The following GTF2A1L variants were observed in gnomAD, a reference collection of about 807,000 sequenced individuals.
GTF2A1L encodes the protein general transcription factor IIA subunit 1 like.
GTF2A1L carries 48 observed loss-of-function variants against 49.7 expected under a neutral mutation model. The ratio of observed to expected loss-of-function variants is 0.97; its 90% CI spans 0.77 to 1.23. GTF2A1L has a LOEUF of 1.23. Ranked by LOEUF, GTF2A1L falls within the 50% of genes most tolerant of loss-of-function variation. GTF2A1L has a pLI of 0.00. For synonymous variants in GTF2A1L, 246 were observed against 193.5 expected, an observed-to-expected ratio of 1.27 and a Z score of -2.25; for missense variants, 736 against 564.8, an observed-to-expected ratio of 1.30 and a Z score of -3.07.
chr2:48,656,817 T>A (rs547113907), intron 6 of GTF2A1L, among the ~76,000 whole-genome samples: 1 of 152,284 alleles, frequency 6.6e-6, no homozygotes, highest in South Asian at 2.1e-4. Flanking sequence ...TCTAAGAGAT[T>A]TATAGTTTTA....
chr2:48,620,443 C>T (rs968587469), intron 1 of GTF2A1L, among the ~76,000 whole-genome samples: 9 of 152,208 alleles, frequency 5.9e-5, no homozygotes, highest in African/African-American at 1.7e-4. Context: ...AAGGTATGCA[C>T]TGCATATCTT....
At chr2:48,641,721 CA>C (rs1677207382) in intron 3 of GTF2A1L, among the ~76,000 whole-genome samples, 1 of 151,998 alleles carries the variant, frequency 6.6e-6, no homozygotes, top group South Asian at 2.1e-4. Context: ...ACTAGCTGGT[CA>C]ATCTTTGAGA....
intron 7 of GTF2A1L, among the ~76,000 whole-genome samples, chr2:48,670,526 T>A (rs868131778): frequency 3.9e-5 from 6 of 152,214 alleles, no homozygotes; most frequent in Non-Finnish European, 7.3e-5. Context: ...GAGTGGCTGT[T>A]AAAGAAGGCA....
At chr2:48,664,394 G>A (rs147455663) in intron 6 of GTF2A1L, among the ~76,000 whole-genome samples, 2 of 150,674 alleles carry the variant, frequency 1.3e-5, no homozygotes, top group African/African-American at 4.9e-5. Context: ...CTTCTTTCAT[G>A]TTTTGATATG....
chr2:48,662,450 A>G (rs1316251415), intron 6 of GTF2A1L, among the ~76,000 whole-genome samples: 2 of 152,122 alleles, frequency 1.3e-5, no homozygotes, highest in African/African-American at 4.8e-5. Flanking sequence ...TCTAACTATA[A>G]TGAATTCCCT....
intron 3 of GTF2A1L, among the ~76,000 whole-genome samples, chr2:48,631,221 C>G (rs1024427322): frequency 1.3e-5 from 2 of 152,144 alleles, no homozygotes; most frequent in African/African-American, 2.4e-5. Flanking sequence ...CTTTGAACAT[C>G]TGGTAGAATT....
At chr2:48,653,044 A>T (rs888965750) in intron 6 of GTF2A1L, among the ~76,000 whole-genome samples, 1 of 151,800 alleles carries the variant, frequency 6.6e-6, no homozygotes. Flanking sequence ...TCTGGCTAAC[A>T]TGGTGAAACC....
rs1031733070 is a variant in GTF2A1L, at chr2:48,669,126, C to G, written c.979-596C>G. On this transcript the variant is annotated intron_variant, in intron 6 of 8. Coordinates refer to ENST00000403751, the MANE Select transcript of GTF2A1L (RefSeq NM_006872.5). Reference sequence around the variant, plus strand: ...GTACAACCATCCCCACTCTGTATTTCCAGTACTTTTTCATCTTCTCAAACA... The same window carrying G: ...GTACAACCATCCCCACTCTGTATTTGCAGTACTTTTTCATCTTCTCAAACA... 1.4e-4 allele frequency among the ~76,000 whole-genome samples: 22 copies of G among 152,226 alleles called. 1 individual carries two copies. The highest frequency in any genetic ancestry group is 4.6e-4 in the African/African-American group (19 of 41,540).
intron 6 of GTF2A1L, among the ~76,000 whole-genome samples, chr2:48,649,827 A>G (rs752257947): frequency 6.6e-6 from 1 of 152,182 alleles, no homozygotes; most frequent in Non-Finnish European, 1.5e-5. Context: ...TTCTCTGCCA[A>G]AGTTTCCTAT....
At position 48,625,423 on chromosome 2, in the gene GTF2A1L, T is replaced by C. The variant is rs185706320; in HGVS notation, c.247+4133T>C. 1.8e-4 allele frequency among the ~76,000 whole-genome samples: 26 copies of C among 144,490 alleles called. 2 individuals carry two copies. The highest frequency in any genetic ancestry group is 5.9e-4 in the African/African-American group (24 of 40,716). 94.8% of individuals were successfully genotyped at this position (144,490 alleles called of 152,430 possible). On this transcript the variant is annotated intron_variant, in intron 3 of 8. Coordinates refer to ENST00000403751, the MANE Select transcript of GTF2A1L (RefSeq NM_006872.5). ...GAAAAGGTTATTTGTTTTTCTGTTATTGAGTTGTGTAAATCTTTTAATATA... is the reference window on the plus strand; with the variant it reads ...GAAAAGGTTATTTGTTTTTCTGTTACTGAGTTGTGTAAATCTTTTAATATA...
chr2:48,634,198 C>T (rs868714799), intron 3 of GTF2A1L, among the ~76,000 whole-genome samples: 5 of 152,100 alleles, frequency 3.3e-5, no homozygotes, highest in Non-Finnish European at 7.4e-5. Context: ...CTGTAACCTT[C>T]GTCTCCGGGT....
intron 6 of GTF2A1L, among the ~76,000 whole-genome samples, chr2:48,656,486 A>T (rs1187011504): frequency 6.7e-6 from 1 of 149,780 alleles, no homozygotes; most frequent in Non-Finnish European, 1.5e-5. Flanking sequence ...GGCCACTTGT[A>T]TGCATTCTTT....
chr2:48,632,753 A>C (rs898825100), intron 3 of GTF2A1L: 1 of 162,328 alleles, frequency 6.2e-6, no homozygotes, highest in African/African-American at 2.4e-5. Flanking sequence ...GCTCAAGTTG[A>C]CATCAGTCCA....
rs147334413 is a variant in GTF2A1L at position 48,669,798 on chromosome 2, G to A, written c.1055G>A (p.Ser352Asn). ...GGTGAAATAATTCAAGTAGATGGAA[G>A]CGGTGATACATCTTCCAATGAAGAA... ...DIGEIIQVDG[S>N]GDTSSNEEIG... The change falls in exon 7 of 9, where the codon AGC becomes AAC. Residue 352 changes from serine (S) to asparagine (N), a missense_variant. Coordinates refer to ENST00000403751, the MANE Select transcript of GTF2A1L (RefSeq NM_006872.5). The A allele has an allele frequency of 4.3e-5, 69 of 1,614,038 alleles. No individual in the cohort carries two copies. In the African/African-American group the frequency reaches 7.7e-4, roughly 18 times the overall value.
intron 4 of GTF2A1L, among the ~76,000 whole-genome samples, chr2:48,644,672 AT>A (rs1250101764): frequency 6.6e-6 from 1 of 152,200 alleles, no homozygotes; most frequent in Non-Finnish European, 1.5e-5. Flanking sequence ...GAGAGAACCA[AT>A]TTTTATCACA....
intron 1 of GTF2A1L, among the ~76,000 whole-genome samples, chr2:48,620,338 G>T (rs1388553807): frequency 6.6e-6 from 1 of 152,174 alleles, no homozygotes; most frequent in East Asian, 1.9e-4. Context: ...CTGAGACTAT[G>T]GGTCTGAAGC....
rs35260466 is a variant in GTF2A1L, at chr2:48,662,652, CTTTTTTTT to C, written c.979-7057_979-7050del. Among the ~76,000 whole-genome samples the C allele has an allele frequency of 3.8e-5, 5 of 132,380 alleles. No individual in the cohort carries two copies. The South Asian group carries it at 7.4e-4, about 20-fold the overall frequency. The allele number at this position is 132,380 out of a possible 152,430, so 86.8% of individuals were successfully genotyped here. On this transcript the variant is annotated intron_variant, in intron 6 of 8. Coordinates refer to ENST00000403751, the MANE Select transcript of GTF2A1L (RefSeq NM_006872.5). ...GCCAGATACAGAAATCTTGGTTGAT[CTTTTTTTT>C]TTTTTTTTTTTTAACACTTTAAATA...
At chr2:48,624,100 T>C (rs1676169828) in intron 3 of GTF2A1L, among the ~76,000 whole-genome samples, 1 of 145,740 alleles carries the variant, frequency 6.9e-6, no homozygotes, top group South Asian at 2.3e-4. Flanking sequence ...GTTTTTTATT[T>C]GTGTAGTAAT....
chr2:48,667,677 A>G lies in GTF2A1L; in HGVS notation c.979-2045A>G, dbSNP rs373474509. ...TCTGTTTCCAATGTAGTAAAAATTA[A>G]TTACATGTAAACTTACATAATTTTA... On this transcript the variant is annotated intron_variant, in intron 6 of 8. Transcript: ENST00000403751. 3.5e-4 allele frequency among the ~76,000 whole-genome samples: 53 copies of G among 152,320 alleles called. No individual in the cohort carries two copies. In the South Asian group the frequency reaches 5.4e-3, roughly 15 times the overall value.
Sources: allele counts gnomAD v4.1 joint callset (sites outside exome capture counted in the v4.1 genomes callset), GRCh38; gene constraint gnomAD v4.1.1; transcripts MANE v1.5; gene names NCBI Gene and HGNC (gene_info 2026-07-23, HGNC 2026-07-21).